MYT1L: variants seen among roughly 807,000 people sequenced by gnomAD.
The protein encoded by MYT1L is myelin transcription factor 1-like protein.
MYT1L carries 12 observed loss-of-function variants against 126.7 expected under a neutral mutation model. The ratio of observed to expected loss-of-function variants is 0.09; its 90% CI spans 0.06 to 0.15. MYT1L has a LOEUF of 0.15. MYT1L is among the 10% of genes least tolerant of loss of function. The pLI is 1.00. For missense variants in MYT1L, 979 were observed against 1,585.2 expected, an observed-to-expected ratio of 0.62 and a Z score of 6.49; for synonymous variants, 541 against 604.2, an observed-to-expected ratio of 0.90 and a Z score of 1.53.
intron 2 of MYT1L, among the ~76,000 whole-genome samples, chr2:2,218,197 G>A (rs556102385): frequency 6.6e-6 from 1 of 152,248 alleles, no homozygotes; most frequent in Admixed American, 6.5e-5. Flanking sequence ...CTATGAACTT[G>A]TCATTTCACT....
At chr2:2,238,746 C>T (rs1165710677) in intron 2 of MYT1L, among the ~76,000 whole-genome samples, 1 of 152,220 alleles carries the variant, frequency 6.6e-6, no homozygotes, top group East Asian at 1.9e-4. Context: ...TGCAATGCAA[C>T]GATTGTAAGT....
chr2:1,820,668 T>A (rs748049151), intron 21 of MYT1L, among the ~76,000 whole-genome samples: 74 of 152,214 alleles, frequency 4.9e-4, no homozygotes, highest in Middle Eastern at 3.4e-3. Context: ...CTCCTCAGCC[T>A]CCCAAATAGC....
intron 4 of MYT1L, among the ~76,000 whole-genome samples, chr2:2,003,975 A>ATGCG (rs2062712662): frequency 1.5e-5 from 2 of 132,040 alleles, no homozygotes; most frequent in Non-Finnish European, 1.7e-5. Context: ...TCCTGCAGGC[A>ATGCG]TTCTTTCCTG....
At chr2:2,277,938 C>T (rs1277790975) in intron 2 of MYT1L, among the ~76,000 whole-genome samples, 1 of 152,080 alleles carries the variant, frequency 6.6e-6, no homozygotes, top group African/African-American at 2.4e-5. Flanking sequence ...TTTAGAAATC[C>T]ATCCAATGTT....
chr2:2,272,049 A>G (rs1385110876), intron 2 of MYT1L, among the ~76,000 whole-genome samples: 3 of 152,154 alleles, frequency 2.0e-5, no homozygotes, highest in Non-Finnish European at 4.4e-5. Context: ...GCCTCGCCCC[A>G]CCCAGCAATC....
At chr2:1,970,335 G>A (rs542695185) in intron 8 of MYT1L, among the ~76,000 whole-genome samples, 3 of 152,324 alleles carry the variant, frequency 2.0e-5, no homozygotes, top group African/African-American at 7.2e-5. Context: ...AGTATTTGCC[G>A]TGAGTGCAGA....
chr2:2,083,035 C>T (rs1045437542), intron 3 of MYT1L, among the ~76,000 whole-genome samples: 14 of 152,130 alleles, frequency 9.2e-5, no homozygotes, highest in Admixed American at 2.6e-4. Context: ...AAGTGAGTCA[C>T]CATGAGAACC....
rs1203755720 is a variant in MYT1L, at chr2:1,979,666, C to T, written c.55+57G>A. 7 of 1,610,074 alleles carry T rather than the reference C, an allele frequency of 4.3e-6. No homozygotes were observed. Among genetic ancestry groups the T allele is most frequent in the African/African-American group, 1.3e-5 (1 of 74,848 alleles). On this transcript the variant is annotated intron_variant, in intron 6 of 24. Coordinates refer to ENST00000647738, the MANE Select transcript of MYT1L (RefSeq NM_001303052.2). The surrounding 1 kb of genome is among the most constrained non-coding windows in gnomAD (Gnocchi z 4.0). Reference sequence around the variant, plus strand: ...AGTGGGGTCAGAATCGACCTCAGTTCCGCAGGATGAAGGTGACCCTGAGCC... The same window carrying T: ...AGTGGGGTCAGAATCGACCTCAGTTTCGCAGGATGAAGGTGACCCTGAGCC...
chr2:2,013,575 C>T (rs915610252), intron 4 of MYT1L, among the ~76,000 whole-genome samples: 5 of 152,240 alleles, frequency 3.3e-5, no homozygotes, highest in East Asian at 1.9e-4. Flanking sequence ...CTCAGAATTC[C>T]GCTTCTGGCT....
chr2:1,861,886 TGG>T (rs2044692127), intron 18 of MYT1L, among the ~76,000 whole-genome samples: 1 of 152,024 alleles, frequency 6.6e-6, no homozygotes, highest in African/African-American at 2.4e-5. Flanking sequence ...TGTGTAATCC[TGG>T]ATCCTCCTAC....
At chr2:1,858,260 A>G (rs1219122112) in intron 18 of MYT1L, among the ~76,000 whole-genome samples, 2 of 152,202 alleles carry the variant, frequency 1.3e-5, no homozygotes, top group Non-Finnish European at 2.9e-5. Flanking sequence ...CAAATAGGAG[A>G]AAAAGGCTCG....
intron 2 of MYT1L, among the ~76,000 whole-genome samples, chr2:2,229,444 CT>C (rs58286138): frequency 0.017 from 2,603 of 148,874 alleles, 56 homozygotes; most frequent in African/African-American, 0.058. Flanking sequence ...TTCTTTCTTT[CT>C]TTTTTTTTTG....
rs2385032 is a variant in MYT1L, at chr2:2,269,512, G to A, written c.-421+14892C>T. On this transcript the variant is annotated intron_variant, in intron 2 of 24. Transcript: ENST00000647738. ...TGCAGGCAGCTTTTAGGTCATTGCT[G>A]CTAGCCTGGTTCCCTTGCTGACTCC... Among the ~76,000 whole-genome samples the A allele has an allele frequency of 6.1e-3, 928 of 152,290 alleles. 9 individuals carry two copies. Among genetic ancestry groups the A allele is most frequent in the African/African-American group, 0.021 (887 of 41,566 alleles).
intron 8 of MYT1L, among the ~76,000 whole-genome samples, chr2:1,945,509 C>T (rs1052260945): frequency 3.9e-5 from 6 of 152,138 alleles, no homozygotes; most frequent in African/African-American, 1.4e-4. Flanking sequence ...GAGCAGGACA[C>T]AGTGTGTGTG....
intron 1 of MYT1L, among the ~76,000 whole-genome samples, chr2:2,318,582 A>C (rs2096108950): frequency 6.6e-6 from 1 of 152,232 alleles, no homozygotes; most frequent in Non-Finnish European, 1.5e-5. Flanking sequence ...CTTGGGCAGC[A>C]AAACTATCTC....
At chr2:1,821,039 C>T (rs981134893) in intron 21 of MYT1L, among the ~76,000 whole-genome samples, 1 of 152,160 alleles carries the variant, frequency 6.6e-6, no homozygotes, top group Non-Finnish European at 1.5e-5. Flanking sequence ...TGGAGCCGGT[C>T]CCAGATGGTG....
intron 5 of MYT1L, among the ~76,000 whole-genome samples, chr2:1,980,834 G>A (rs906576045): frequency 6.6e-5 from 10 of 152,154 alleles, no homozygotes; most frequent in African/African-American, 1.7e-4. Flanking sequence ...TATGGGAAGT[G>A]TTTGCACATG....
chr2:2,105,843 CGT>C (rs1459206093), intron 3 of MYT1L, among the ~76,000 whole-genome samples: 1 of 152,090 alleles, frequency 6.6e-6, no homozygotes, highest in Non-Finnish European at 1.5e-5. Context: ...ATGAGGTTTA[CGT>C]GTATGTGTTT....
At chr2:2,268,717 G>A (rs529861672) in intron 2 of MYT1L, among the ~76,000 whole-genome samples, 4 of 152,124 alleles carry the variant, frequency 2.6e-5, no homozygotes, top group Middle Eastern at 3.4e-3. Flanking sequence ...GTGTGTTTTC[G>A]GCTTGAAGAT....
Sources: allele counts gnomAD v4.1 joint callset (sites outside exome capture counted in the v4.1 genomes callset), GRCh38; gene constraint gnomAD v4.1.1; non-coding constraint Gnocchi (gnomAD v3.1); transcripts MANE v1.5; gene names NCBI Gene and HGNC (gene_info 2026-07-23, HGNC 2026-07-21).